Variants in BTBD8 observed in about 807,000 individuals in gnomAD.
BTBD8 encodes the protein BTB domain containing 8.
BTBD8 carries 110 observed loss-of-function variants against 162.9 expected under a neutral mutation model. That is an observed-to-expected ratio of 0.68 (90% CI 0.58 to 0.79). BTBD8 has a LOEUF of 0.79. Ranked by LOEUF, BTBD8 falls within the 30% of genes least tolerant of loss-of-function variation. The pLI, the probability that BTBD8 is intolerant of heterozygous loss-of-function variation, is 0.00. For missense variants in BTBD8, 1,905 were observed against 2,085.4 expected, an observed-to-expected ratio of 0.91 and a Z score of 1.68; for synonymous variants, 667 against 716.1, an observed-to-expected ratio of 0.93 and a Z score of 1.10.
Position 92,082,011 on chromosome 1 carries a change from C to G in BTBD8, c.149+1291C>G, listed in dbSNP as rs531694738. Among the ~76,000 whole-genome samples the G allele has an allele frequency of 4.6e-5, 7 of 152,302 alleles. No homozygotes were observed. In the South Asian group the frequency reaches 1.2e-3, roughly 27 times the overall value. Reference sequence around the variant, plus strand: ...ATCTACTGGGGAAGCTACTTTGTCTCTACCAGGGAGGGACTGATGAAAAAG... The same window carrying G: ...ATCTACTGGGGAAGCTACTTTGTCTGTACCAGGGAGGGACTGATGAAAAAG... On this transcript the variant is annotated intron_variant, in intron 1 of 17. Coordinates refer to ENST00000636805, the MANE Select transcript of BTBD8 (RefSeq NM_001376131.1).
chr1:92,125,876 C>A, intron 4 of BTBD8: 1 of 418,044 alleles, frequency 2.4e-6, no homozygotes. Context: ...AGAGGGATGT[C>A]TGTGTCAATG....
intron 5 of BTBD8, among the ~76,000 whole-genome samples, chr1:92,133,764 A>C (rs1159597226): frequency 2.0e-5 from 3 of 152,086 alleles, no homozygotes. Flanking sequence ...AGGTCAGGAG[A>C]TCGAGACCAT....
At chr1:92,088,587 G>T in intron 1 of BTBD8, 111 bp from the exon 2 acceptor site, 1 of 813,048 alleles carries the variant, frequency 1.2e-6, no homozygotes, top group Non-Finnish European at 1.8e-6. Context: ...TTAACTTTAT[G>T]TTGCCTCTGT....
At chr1:92,163,354 CAAAAAAAAAAAA>C (rs34760395) in intron 9 of BTBD8, among the ~76,000 whole-genome samples, 2 of 20,408 alleles carry the variant, frequency 9.8e-5, no homozygotes, top group Non-Finnish European at 8.4e-5. Flanking sequence ...GATTCTGTCT[CAAAAAAAAAAAA>C]AAAAAAAAAA....
At position 92,167,851 on chromosome 1, in the gene BTBD8, C is replaced by G; in HGVS notation, c.1309C>G (p.Gln437Glu). Reference sequence around the variant, plus strand: ...TATTAATTTCTGTGTTTTATAGTCACAAGCAATGAGCAGCACAGCCGATCT... The same window carrying G: ...TATTAATTTCTGTGTTTTATAGTCAGAAGCAATGAGCAGCACAGCCGATCT... ...SENFALLLQS[Q>E]AMSSTADLLD... is the part of the protein sequence containing the mutation. The change falls in exon 11 of 18, where the codon CAA becomes GAA. Residue 437 changes from glutamine (Q) to glutamate (E), a missense_variant. By Grantham distance (29) the Gln-to-Glu change is conservative. Transcript: ENST00000636805. 6.5e-7 allele frequency: 1 copy of G among 1,547,646 alleles called. No homozygotes were observed. Among genetic ancestry groups the G allele is most frequent in the Non-Finnish European group, 8.7e-7 (1 of 1,144,598 alleles).
intron 2 of BTBD8, among the ~76,000 whole-genome samples, chr1:92,091,816 T>C (rs1291917749): frequency 6.6e-6 from 1 of 152,232 alleles, no homozygotes; most frequent in Non-Finnish European, 1.5e-5. Flanking sequence ...CATTTTGAGT[T>C]AATTGCCATG....
intron 13 of BTBD8, among the ~76,000 whole-genome samples, chr1:92,173,089 C>T (rs1364986080): frequency 6.6e-6 from 1 of 152,142 alleles, no homozygotes; most frequent in African/African-American, 2.4e-5. Flanking sequence ...CCATGCCTGC[C>T]TAATTTTGTA....
chr1:92,135,600 T>A (rs1649615742), intron 5 of BTBD8, among the ~76,000 whole-genome samples: 2 of 152,222 alleles, frequency 1.3e-5, no homozygotes, highest in Non-Finnish European at 2.9e-5. Context: ...TTATTGCTTT[T>A]CTAGGTCAGT....
At chr1:92,159,049 C>T (rs2100654382) in intron 9 of BTBD8, among the ~76,000 whole-genome samples, 1 of 152,284 alleles carries the variant, frequency 6.6e-6, no homozygotes, top group African/African-American at 2.4e-5. Context: ...AGCCACTGTG[C>T]CCAGCCAAAA....
At chr1:92,087,346 G>A (rs183137524) in intron 1 of BTBD8, among the ~76,000 whole-genome samples, 3 of 152,158 alleles carry the variant, frequency 2.0e-5, no homozygotes, top group African/African-American at 7.2e-5. Context: ...CAAATTGAGT[G>A]TTTGTAGAGT....
chr1:92,110,618 C>T (rs1648862647), intron 4 of BTBD8, among the ~76,000 whole-genome samples: 2 of 152,308 alleles, frequency 1.3e-5, no homozygotes, highest in African/African-American at 4.8e-5. Flanking sequence ...TCTCGGCTCA[C>T]TGCAAGCTCC....
chr1:92,111,362 A>G (rs1274759361), intron 4 of BTBD8, among the ~76,000 whole-genome samples: 1 of 152,128 alleles, frequency 6.6e-6, no homozygotes, highest in Non-Finnish European at 1.5e-5. Context: ...TTTCTTATCA[A>G]TGCCTGATAA....
Position 92,127,927 on chromosome 1 carries a change from G to C in BTBD8, c.663-1760G>C, listed in dbSNP as rs1483512934. ...AACTAGAATTTCTGGTGGGTTGTGG[G>C]TAGGGTATGGTGTGTCTGTGTTTTT... On this transcript the variant is annotated intron_variant, in intron 4 of 17. Coordinates refer to ENST00000636805, the MANE Select transcript of BTBD8 (RefSeq NM_001376131.1). 2.6e-5 allele frequency among the ~76,000 whole-genome samples: 4 copies of C among 152,222 alleles called. No individual in the cohort carries two copies. The South Asian group carries it at 6.2e-4, about 24-fold the overall frequency.
intron 5 of BTBD8, among the ~76,000 whole-genome samples, chr1:92,132,848 A>G (rs914915643): frequency 3.3e-5 from 5 of 152,150 alleles, no homozygotes; most frequent in African/African-American, 9.7e-5. Flanking sequence ...TTGTTGTTCA[A>G]ATGCTTTATC....
chr1:92,178,235 G>T lies in BTBD8; in HGVS notation c.2442-77G>T, dbSNP rs1396601126. Reference sequence around the variant, plus strand: ...TATTTTTTATTTCTTGAAAAAAACTGTTTCAGGTATTGGTCTTTTAAAAAG... The same window carrying T: ...TATTTTTTATTTCTTGAAAAAAACTTTTTCAGGTATTGGTCTTTTAAAAAG... On this transcript the variant is annotated intron_variant, in intron 15 of 17. Coordinates refer to ENST00000636805, the MANE Select transcript of BTBD8 (RefSeq NM_001376131.1). The T allele has an allele frequency of 5.4e-6, 6 of 1,109,282 alleles. No individual in the cohort carries two copies. In the South Asian group the frequency reaches 1.0e-4, roughly 19 times the overall value. 68.7% of individuals were successfully genotyped at this position (1,109,282 alleles called of 1,614,324 possible). A position where few individuals can be genotyped will look rare whatever the true frequency, so the allele number is the denominator to read the frequency against.
Position 92,180,920 on chromosome 1 carries a change from T to C in BTBD8, c.3237T>C (p.Asn1079=), listed in dbSNP as rs994679655. The C allele has an allele frequency of 1.3e-6, 2 of 1,551,502 alleles. No homozygotes were observed. The highest frequency in any genetic ancestry group is 1.4e-5 in the African/African-American group (1 of 73,044). ...GTTGTCATTCTGTTGGGAGTGATAA[T>C]GTAAATTCAAAATTTTATAGCACCA... ...NICCHSVGSD[N]VNSKFYSTTA... Residue 1079 remains asparagine (N), a synonymous_variant, in exon 17 of 18, where the codon AAT becomes AAC. Coordinates refer to ENST00000636805, the MANE Select transcript of BTBD8 (RefSeq NM_001376131.1).
At chr1:92,128,824 T>C (rs2101928154) in intron 4 of BTBD8, among the ~76,000 whole-genome samples, 1 of 152,342 alleles carries the variant, frequency 6.6e-6, no homozygotes, top group East Asian at 1.9e-4. Context: ...AGCAAGCATT[T>C]TTCCATCTGC....
intron 3 of BTBD8, among the ~76,000 whole-genome samples, chr1:92,106,148 G>C (rs754833653): frequency 2.6e-5 from 4 of 152,186 alleles, no homozygotes; most frequent in Non-Finnish European, 5.9e-5. Context: ...CCAGTCTCTT[G>C]ATACCATCAT....
Position 92,180,753 on chromosome 1 carries a change from T to C in BTBD8, c.3070T>C (p.Leu1024=), listed in dbSNP as rs1650868045. ...ATTAAACGATCAAGAAAAAGAGAAG[T>C]TGGCGTTAGAATGCCAAAATATTTC... ...KPLNDQEKEK[L]ALECQNISKL... is the part of the protein sequence containing the mutation. The change falls in exon 17 of 18, where the codon TTG becomes CTG. Residue 1024 remains leucine (L), a synonymous_variant. Transcript: ENST00000636805. 1.3e-6 allele frequency: 2 copies of C among 1,551,676 alleles called. No individual in the cohort carries two copies. Among genetic ancestry groups the C allele is most frequent in the Non-Finnish European group, 1.7e-6 (2 of 1,146,992 alleles).
Sources: gnomAD v4.1 joint callset for allele counts (sites outside exome capture counted in the v4.1 genomes callset) on GRCh38, gnomAD v4.1.1 for gene constraint, MANE v1.5 for transcripts, NCBI Gene and HGNC (gene_info 2026-07-23, HGNC 2026-07-21) for gene names.